Variants in LSM12 observed in about 807,000 individuals in gnomAD.
The protein encoded by LSM12 is LSM12 homolog.
For synonymous variants in LSM12, 74 were observed against 87.3 expected, an observed-to-expected ratio of 0.85 and a Z score of 0.85; for missense variants, 108 against 238.9, an observed-to-expected ratio of 0.45 and a Z score of 3.61.
At chr17:44,045,915 T>C (rs1209060228) in intron 2 of LSM12, among the ~76,000 whole-genome samples, 1 of 149,824 alleles carries the variant, frequency 6.7e-6, no homozygotes, top group Non-Finnish European at 1.5e-5. Context: ...TCTTTGTGTA[T>C]GTAAAAGTAA....
intron 2 of LSM12, 99 bp from the exon 3 acceptor site, chr17:44,040,355 GT>G (rs1227172571): frequency 2.4e-6 from 2 of 818,646 alleles, no homozygotes; most frequent in Non-Finnish European, 4.0e-6. Flanking sequence ...GGAAAGACTT[GT>G]TTGGACAGAT....
At chr17:44,038,100 G>C (rs773199676) in intron 3 of LSM12, among the ~76,000 whole-genome samples, 1 of 152,106 alleles carries the variant, frequency 6.6e-6, no homozygotes, top group African/African-American at 2.4e-5. Flanking sequence ...TGTAATCCCC[G>C]CGCTTTGGGA....
chr17:44,041,127 C>T lies in LSM12; in HGVS notation c.259-871G>A, dbSNP rs539340130. ...CTCTACTAAAATTACAAAAATTAGC[C>T]GGGCATGGTGGTGCGTGCCTGTAAT... On this transcript the variant is annotated intron_variant, in intron 2 of 4. Coordinates refer to ENST00000293406, the MANE Select transcript of LSM12 (RefSeq NM_001371445.1). 1.3e-4 allele frequency among the ~76,000 whole-genome samples: 20 copies of T among 151,408 alleles called. No homozygotes were observed. The South Asian group carries it at 1.9e-3, about 14-fold the overall frequency.
intron 2 of LSM12, among the ~76,000 whole-genome samples, chr17:44,046,029 T>C (rs1325156450): frequency 9.6e-5 from 14 of 146,122 alleles, no homozygotes; most frequent in African/African-American, 3.0e-4. Context: ...CTCCGCCTCC[T>C]GGGTTCACGC....
At chr17:44,041,627 T>C (rs1032687906) in intron 2 of LSM12, among the ~76,000 whole-genome samples, 25 of 152,232 alleles carry the variant, frequency 1.6e-4, no homozygotes, top group Admixed American at 4.6e-4. Context: ...CACTGCCCTC[T>C]GGTGGAACCA....
chr17:44,037,591 C>T, intron 3 of LSM12, 53 bp from the exon 4 acceptor site: 1 of 1,526,548 alleles, frequency 6.6e-7, no homozygotes, highest in South Asian at 1.3e-5. Context: ...CATCCCACAT[C>T]TCCTGTCTGA....
At chr17:44,037,153 A>G in intron 4 of LSM12, 3 of 337,830 alleles carry the variant, frequency 8.9e-6, no homozygotes, top group Non-Finnish European at 1.6e-5. Flanking sequence ...CAGGCCCAAT[A>G]CCATGGAACA....
chr17:44,049,671 C>A (rs1020837155), intron 2 of LSM12, among the ~76,000 whole-genome samples: 2 of 152,186 alleles, frequency 1.3e-5, no homozygotes, highest in African/African-American at 4.8e-5. Flanking sequence ...AAAATCCAAG[C>A]AATATGCACT....
intron 2 of LSM12, among the ~76,000 whole-genome samples, chr17:44,055,804 C>T (rs1414035733): frequency 6.7e-6 from 1 of 149,486 alleles, no homozygotes; most frequent in Non-Finnish European, 1.5e-5. Context: ...GCTATGTCCA[C>T]AAACATAGGC....
chr17:44,050,625 G>T (rs192704734), intron 2 of LSM12, among the ~76,000 whole-genome samples: 1 of 151,506 alleles, frequency 6.6e-6, no homozygotes, highest in African/African-American at 2.4e-5. Context: ...TGATTCTCCT[G>T]CCTCACTGCC....
Position 44,036,106 on chromosome 17 carries a change from C to G in LSM12, c.*102G>C. 1.0e-6 allele frequency: 1 copy of G among 990,108 alleles called. No individual in the cohort carries two copies. The highest frequency in any genetic ancestry group is 1.5e-6 in the Non-Finnish European group (1 of 668,570). 61.3% of individuals were successfully genotyped at this position (990,108 alleles called of 1,614,324 possible). A position where few individuals can be genotyped will look rare whatever the true frequency, so the allele number is the denominator to read the frequency against. ...ATGCTGACCCTTTGTTAAGAGCCAACAGGACATATAGGATCCCTTCCCTCC... is the reference window on the plus strand; with the variant it reads ...ATGCTGACCCTTTGTTAAGAGCCAAGAGGACATATAGGATCCCTTCCCTCC... On this transcript the variant is annotated 3_prime_UTR_variant, in exon 5 of 5. Coordinates refer to ENST00000293406, the MANE Select transcript of LSM12 (RefSeq NM_001371445.1).
At chr17:44,041,765 T>C (rs1421544790) in intron 2 of LSM12, among the ~76,000 whole-genome samples, 1 of 152,208 alleles carries the variant, frequency 6.6e-6, no homozygotes, top group African/African-American at 2.4e-5. Flanking sequence ...TACTGGTTGC[T>C]AGAGATTCCA....
At chr17:44,066,309 G>A (rs2049875737) in intron 1 of LSM12, among the ~76,000 whole-genome samples, 155 bp downstream of exon 1, 2 of 152,170 alleles carry the variant, frequency 1.3e-5, no homozygotes, top group Admixed American at 1.3e-4. Flanking sequence ...GGGAGGGGGA[G>A]GGGAGCTCAG....
At chr17:44,051,768 G>C (rs1040413928) in intron 2 of LSM12, among the ~76,000 whole-genome samples, 2 of 152,060 alleles carry the variant, frequency 1.3e-5, no homozygotes, top group Non-Finnish European at 2.9e-5. Flanking sequence ...GAGTCCAGGG[G>C]TGCAAGACCA....
At chr17:44,066,763 A>G (rs1372907666), upstream of LSM12, 7 of 758,798 alleles carry the variant, frequency 9.2e-6, no homozygotes, top group East Asian at 8.1e-5. Flanking sequence ...AGAGGAAATA[A>G]AGGGGAATCT....
At chr17:44,043,806 T>TA (rs768294471) in intron 2 of LSM12, among the ~76,000 whole-genome samples, 3,828 of 135,616 alleles carry the variant, frequency 0.028, 118 homozygotes, top group African/African-American at 0.084. Flanking sequence ...CTGCCTCTAT[T>TA]AAAAAAAAAA....
At chr17:44,046,396 A>G (rs932018468) in intron 2 of LSM12, among the ~76,000 whole-genome samples, 1 of 152,028 alleles carries the variant, frequency 6.6e-6, no homozygotes, top group African/African-American at 2.4e-5. Flanking sequence ...TTTTCCTGCT[A>G]GTGAAGTTTC....
chr17:44,054,826 GTTTTCT>G (rs773953362), intron 2 of LSM12, among the ~76,000 whole-genome samples: 5 of 150,906 alleles, frequency 3.3e-5, no homozygotes, highest in Non-Finnish European at 7.4e-5. Flanking sequence ...CCTTGGCGAC[GTTTTCT>G]TTTTCTTTTT....
Position 44,036,314 on chromosome 17 carries a change from G to C in LSM12, c.496-14C>G, listed in dbSNP as rs1475379559. 1.9e-6 allele frequency: 3 copies of C among 1,614,018 alleles called. No homozygotes were observed. The Admixed American group carries it at 5.0e-5, about 27-fold the overall frequency. Reference sequence around the variant, plus strand: ...ATGTTTTTCAACCTGAAAAAGACCAGGCAACCCAGGTCAACAAAGGAGATG... The same window carrying C: ...ATGTTTTTCAACCTGAAAAAGACCACGCAACCCAGGTCAACAAAGGAGATG... On this transcript the variant is annotated splice_polypyrimidine_tract_variant and intron_variant, in intron 4 of 4. Coordinates refer to ENST00000293406, the MANE Select transcript of LSM12 (RefSeq NM_001371445.1).
Sources: gnomAD v4.1 joint callset for allele counts (sites outside exome capture counted in the v4.1 genomes callset) on GRCh38, gnomAD v4.1.1 for gene constraint, MANE v1.5 for transcripts, NCBI Gene and HGNC (gene_info 2026-07-23, HGNC 2026-07-21) for gene names.